Variants in SUGCT observed in about 807,000 individuals in gnomAD.
SUGCT encodes succinyl-CoA:glutarate-CoA transferase, also known as succinyl-CoA:glutarate CoA-transferase.
In SUGCT, 41 loss-of-function variants were observed where a neutral mutation model predicts 55.0. The ratio of observed to expected loss-of-function variants is 0.74; its 90% CI spans 0.58 to 0.97. The LOEUF (loss-of-function observed/expected upper bound fraction) is 0.97. Among genes scored for constraint, SUGCT ranks in the 50% least tolerant of loss-of-function variants. The pLI, the probability that SUGCT is intolerant of heterozygous loss-of-function variation, is 0.00. For missense variants in SUGCT, 568 were observed against 547.8 expected, an observed-to-expected ratio of 1.04 and a Z score of -0.37; for synonymous variants, 187 against 200.4, an observed-to-expected ratio of 0.93 and a Z score of 0.56.
chr7:40,470,453 G>C (rs528550980), intron 11 of SUGCT, among the ~76,000 whole-genome samples: 4 of 152,172 alleles, frequency 2.6e-5, no homozygotes, highest in Admixed American at 6.5e-5. Flanking sequence ...CAGCTGTTTA[G>C]CGTTCTGGAT....
the SUGCT span, among the ~76,000 whole-genome samples, chr7:40,918,104 T>G: frequency 1.7e-4 from 26 of 151,936 alleles, no homozygotes; most frequent in Admixed American, 1.5e-3. Flanking sequence ...GGCAGGAGAA[T>G]AAAATTGGGT....
At chr7:40,535,922 A>C (rs574264443) in intron 12 of SUGCT, among the ~76,000 whole-genome samples, 1 of 152,056 alleles carries the variant, frequency 6.6e-6, no homozygotes, top group African/African-American at 2.4e-5. Context: ...ATGATTAGTG[A>C]TGTGGAGAAT....
the SUGCT span, among the ~76,000 whole-genome samples, chr7:40,919,227 C>G: frequency 6.6e-6 from 1 of 152,190 alleles, no homozygotes; most frequent in Non-Finnish European, 1.5e-5. Flanking sequence ...TCAGGGACTA[C>G]CAGATATCTC....
At chr7:40,968,122 G>A in the SUGCT span, 1 of 152,158 alleles carries the variant, frequency 6.6e-6, no homozygotes, top group Non-Finnish European at 1.5e-5. Context: ...GACCTGATGA[G>A]ATTTGGGATC....
At chr7:40,854,446 T>TTCTTTCTTTCTTTCTC (rs1794051166) in intron 13 of SUGCT, among the ~76,000 whole-genome samples, 1 of 146,930 alleles carries the variant, frequency 6.8e-6, no homozygotes, top group African/African-American at 2.6e-5. Context: ...CTTTCTTTCT[T>TTCTTTCTTTCTTTCTC]TCTTTCTTTC....
At chr7:40,248,014 T>TTTTTTTTTTTTTTTTTTTTTTG (rs1562610416) in intron 7 of SUGCT, among the ~76,000 whole-genome samples, 1 of 1,090 alleles carries the variant, frequency 9.2e-4, no homozygotes, top group Non-Finnish European at 2.8e-3. Flanking sequence ...TGTTTTTTTG[T>TTTTTTTTTTTTTTTTTTTTTTG]TTTTTTTTTT....
At chr7:40,822,423 A>G (rs955175792) in intron 13 of SUGCT, among the ~76,000 whole-genome samples, 1 of 151,998 alleles carries the variant, frequency 6.6e-6, no homozygotes, top group African/African-American at 2.4e-5. Context: ...GTCTCTAAGG[A>G]CTTGCTTTAT....
At chr7:40,987,774 T>C in the SUGCT span, among the ~76,000 whole-genome samples, 1 of 152,220 alleles carries the variant, frequency 6.6e-6, no homozygotes, top group Non-Finnish European at 1.5e-5. Context: ...TTTGTTGATA[T>C]TCCCACCAGA....
At chr7:41,015,408 C>T in the SUGCT span, among the ~76,000 whole-genome samples, 24,848 of 152,050 alleles carry the variant, frequency 0.16, 2,582 homozygotes, top group Admixed American at 0.25. Context: ...TCAAATTTGG[C>T]GGATCATTAC....
At chr7:40,251,201 G>GCATTCGAA (rs1486053280) in intron 7 of SUGCT, among the ~76,000 whole-genome samples, 1 of 152,116 alleles carries the variant, frequency 6.6e-6, no homozygotes, top group Non-Finnish European at 1.5e-5. Context: ...GCAATGATTA[G>GCATTCGAA]CATTCGAACA....
At chr7:41,020,012 C>T in the SUGCT span, among the ~76,000 whole-genome samples, 2 of 152,326 alleles carry the variant, frequency 1.3e-5, no homozygotes, top group East Asian at 3.9e-4. Context: ...ATTTTGCCAA[C>T]TCCCAGCACT....
At chr7:40,164,050 CCTCA>C (rs1784304823) in intron 1 of SUGCT, among the ~76,000 whole-genome samples, 1 of 151,854 alleles carries the variant, frequency 6.6e-6, no homozygotes, top group African/African-American at 2.4e-5. Context: ...GAACTCCTGG[CCTCA>C]GGCGATCTGT....
intron 13 of SUGCT, among the ~76,000 whole-genome samples, chr7:40,834,387 G>T (rs1451247982): frequency 6.6e-6 from 1 of 152,164 alleles, no homozygotes; most frequent in East Asian, 1.9e-4. Context: ...CAGGGTTAAT[G>T]ATTTTTCCAC....
chr7:40,764,563 G>T (rs1341589563), intron 13 of SUGCT, among the ~76,000 whole-genome samples: 1 of 152,012 alleles, frequency 6.6e-6, no homozygotes, highest in African/African-American at 2.4e-5. Context: ...GGAAAAAACA[G>T]ACCTGACAGG....
intron 9 of SUGCT, among the ~76,000 whole-genome samples, chr7:40,362,950 C>T (rs1016809367): frequency 1.3e-5 from 2 of 152,132 alleles, no homozygotes; most frequent in Non-Finnish European, 2.9e-5. Flanking sequence ...AAAAAAATCC[C>T]TCAATACCAA....
the SUGCT span, among the ~76,000 whole-genome samples, chr7:41,003,759 A>T: frequency 6.6e-6 from 1 of 152,178 alleles, no homozygotes; most frequent in Non-Finnish European, 1.5e-5. Context: ...CCTCATCCGG[A>T]GACAATCCCA....
chr7:40,204,896 T>G (rs1272930912), intron 6 of SUGCT, among the ~76,000 whole-genome samples: 23 of 152,070 alleles, frequency 1.5e-4, no homozygotes, highest in Non-Finnish European at 3.4e-4. Flanking sequence ...ATTGCTGCAG[T>G]GAGCTCTGAT....
chr7:40,313,979 G>A (rs1795295854), intron 8 of SUGCT, among the ~76,000 whole-genome samples: 1 of 152,006 alleles, frequency 6.6e-6, no homozygotes, highest in Non-Finnish European at 1.5e-5. Flanking sequence ...AATGCTTTTT[G>A]TTTTCATTAA....
chr7:40,639,147 T>C (rs986348783), intron 12 of SUGCT, among the ~76,000 whole-genome samples: 9 of 152,194 alleles, frequency 5.9e-5, no homozygotes, highest in Non-Finnish European at 8.8e-5. Flanking sequence ...TCCCCTTTTG[T>C]CCTCTTGTAT....
Sources: gnomAD v4.1 joint callset for allele counts (sites outside exome capture counted in the v4.1 genomes callset) on GRCh38, gnomAD v4.1.1 for gene constraint, MANE v1.5 for transcripts, NCBI Gene and HGNC (gene_info 2026-07-23, HGNC 2026-07-21) for gene names.